PCCA: variants seen among roughly 807,000 people sequenced by gnomAD.
PCCA encodes the protein propionyl-CoA carboxylase subunit alpha, also known as propionyl-CoA carboxylase alpha chain, mitochondrial.
A neutral mutation model predicts 101.3 loss-of-function variants in PCCA; 74 were observed. The ratio of observed to expected loss-of-function variants is 0.73; its 90% CI spans 0.61 to 0.89. The LOEUF (loss-of-function observed/expected upper bound fraction) is 0.89. Among genes scored for constraint, PCCA ranks in the 40% least tolerant of loss-of-function variants. The pLI, the probability that PCCA is intolerant of heterozygous loss-of-function variation, is 0.00. For missense variants in PCCA, 891 were observed against 907.0 expected (o/e 0.98, Z 0.23); for synonymous variants, 294 against 313.6 (o/e 0.94, Z 0.66).
rs573004651 is a variant in PCCA at position 100,509,431 on chromosome 13, G to A, written c.1900-5996G>A. Among the ~76,000 whole-genome samples, 4 of 152,276 alleles carry A rather than the reference G, an allele frequency of 2.6e-5. No homozygotes were observed. In the South Asian group the frequency reaches 6.2e-4, roughly 24 times the overall value. On this transcript the variant is annotated intron_variant, in intron 21 of 23. Transcript: ENST00000376285. Reference sequence around the variant, plus strand: ...AGGGGCACGTTTATCTGTGGATCACGGACGGTTTGACTTGTGGGACGTAAC... The same window carrying A: ...AGGGGCACGTTTATCTGTGGATCACAGACGGTTTGACTTGTGGGACGTAAC...
intron 1 of PCCA, among the ~76,000 whole-genome samples, chr13:100,100,676 A>AC (rs1440099060): frequency 6.6e-6 from 1 of 152,256 alleles, no homozygotes; most frequent in East Asian, 1.9e-4. Context: ...GGAAACAGGA[A>AC]CAGAGCCTTT....
At chr13:100,357,341 GA>G (rs1317120492) in intron 18 of PCCA, among the ~76,000 whole-genome samples, 16 of 152,120 alleles carry the variant, frequency 1.1e-4, no homozygotes, top group African/African-American at 3.9e-4. Flanking sequence ...GAGTCTTTGA[GA>G]ATATTTCTTT....
intron 8 of PCCA, among the ~76,000 whole-genome samples, chr13:100,243,878 A>T (rs1260244575): frequency 2.0e-5 from 3 of 152,136 alleles, no homozygotes; most frequent in Non-Finnish European, 4.4e-5. Context: ...ATAATACAAC[A>T]TTTTTTTAAA....
At chr13:100,360,880 A>G (rs1057053858) in intron 18 of PCCA, among the ~76,000 whole-genome samples, 2 of 152,234 alleles carry the variant, frequency 1.3e-5, no homozygotes, top group Admixed American at 6.5e-5. Flanking sequence ...AGTTTTATTC[A>G]TAATTGCCAA....
At position 100,177,633 on chromosome 13, in the gene PCCA, G is replaced by A. The variant is rs184691767; in HGVS notation, c.468+20293G>A. Among the ~76,000 whole-genome samples, 48 of 152,092 alleles carry A rather than the reference G, an allele frequency of 3.2e-4. No individual in the cohort carries two copies. In the East Asian group the frequency reaches 8.5e-3, roughly 27 times the overall value. ...TCTTGGCAAAGGAAGTCTTGCCTGG[G>A]CCCCCTGTTGAAAAAGAAAATGGAT... On this transcript the variant is annotated intron_variant, in intron 6 of 23. Coordinates refer to ENST00000376285, the MANE Select transcript of PCCA (RefSeq NM_000282.4).
chr13:100,287,189 A>G (rs1261535511), intron 12 of PCCA, among the ~76,000 whole-genome samples: 2 of 151,408 alleles, frequency 1.3e-5, no homozygotes, highest in African/African-American at 4.9e-5. Context: ...TCTTTTTTTA[A>G]TTTTTCTGCT....
intron 4 of PCCA, chr13:100,151,152 T>A (rs2053263779): frequency 1.1e-6 from 1 of 873,556 alleles, no homozygotes; most frequent in African/African-American, 1.7e-5. Flanking sequence ...ATTTATTTTT[T>A]AAAAGTTAAT....
intron 4 of PCCA, among the ~76,000 whole-genome samples, chr13:100,116,274 C>T (rs1208532803): frequency 6.6e-6 from 1 of 152,106 alleles, no homozygotes; most frequent in African/African-American, 2.4e-5. Context: ...GTTAATTTCA[C>T]ATGTGGAAAT....
chr13:100,363,224 G>A (rs563965745), intron 18 of PCCA, among the ~76,000 whole-genome samples: 1 of 151,864 alleles, frequency 6.6e-6, no homozygotes, highest in African/African-American at 2.4e-5. Flanking sequence ...TATCTTCCCT[G>A]GGAGTTGTTC....
intron 6 of PCCA, among the ~76,000 whole-genome samples, chr13:100,159,163 G>A (rs1044958121): frequency 3.6e-5 from 5 of 137,172 alleles, no homozygotes; most frequent in Non-Finnish European, 7.6e-5. Context: ...GCATGATCTC[G>A]GCTCACTGCA....
chr13:100,322,937 G>A lies in PCCA; in HGVS notation c.1430-7624G>A, dbSNP rs990096780. Among the ~76,000 whole-genome samples, 23 of 152,210 alleles carry A rather than the reference G, an allele frequency of 1.5e-4. No individual in the cohort carries two copies. In the East Asian group the frequency reaches 1.5e-3, roughly 10 times the overall value. On this transcript the variant is annotated intron_variant, in intron 16 of 23. Coordinates refer to ENST00000376285, the MANE Select transcript of PCCA (RefSeq NM_000282.4). ...GTTTACTTATTCTATAACTAGTTGCGCAGTTTCCCAAGAGCAGGTACCATA... is the reference window on the plus strand; with the variant it reads ...GTTTACTTATTCTATAACTAGTTGCACAGTTTCCCAAGAGCAGGTACCATA...
intron 12 of PCCA, among the ~76,000 whole-genome samples, chr13:100,285,623 CA>C (rs1189998389): frequency 1.3e-5 from 2 of 152,152 alleles, no homozygotes; most frequent in Non-Finnish European, 2.9e-5. Flanking sequence ...ATCAGACAGC[CA>C]CCTACTTAGA....
intron 4 of PCCA, among the ~76,000 whole-genome samples, chr13:100,147,784 C>CT (rs1566577283): frequency 6.6e-6 from 1 of 151,988 alleles, no homozygotes; most frequent in Non-Finnish European, 1.5e-5. Context: ...TTATTTATTT[C>CT]TTTTTTTACT....
chr13:100,222,030 C>T (rs2059847017), intron 7 of PCCA, among the ~76,000 whole-genome samples: 2 of 151,904 alleles, frequency 1.3e-5, no homozygotes, highest in Admixed American at 1.3e-4. Context: ...CAGGTGTGAG[C>T]CACTGCGCCT....
chr13:100,143,928 G>T (rs1286331574), intron 4 of PCCA, among the ~76,000 whole-genome samples: 4 of 151,142 alleles, frequency 2.6e-5, no homozygotes, highest in Non-Finnish European at 5.9e-5. Context: ...CTAATTAAGA[G>T]AAATTTTTTT....
chr13:100,301,405 TTCTA>T, intron 12 of PCCA, 51 bp from the exon 13 acceptor site: 2 of 1,597,982 alleles, frequency 1.3e-6, no homozygotes, highest in Non-Finnish European at 1.7e-6. Context: ...TCTTGTTTGT[TTCTA>T]TTTATTTACC....
At chr13:100,490,384 A>G (rs2084814243) in intron 21 of PCCA, 1 of 152,210 alleles carries the variant, frequency 6.6e-6, no homozygotes, top group Non-Finnish European at 1.5e-5. Flanking sequence ...GTAACAGGTC[A>G]CAGCATAAAT....
intron 21 of PCCA, among the ~76,000 whole-genome samples, chr13:100,499,907 C>T (rs1051402585): frequency 9.2e-5 from 13 of 141,166 alleles, no homozygotes; most frequent in Non-Finnish European, 2.0e-4. Flanking sequence ...TTTTATTGGC[C>T]ACAGTTTTGA....
intron 2 of PCCA, among the ~76,000 whole-genome samples, chr13:100,111,567 A>G (rs1454661396): frequency 6.6e-6 from 1 of 152,212 alleles, no homozygotes; most frequent in Non-Finnish European, 1.5e-5. Context: ...ATGCTTTAAC[A>G]AAGTAATTAT....
Sources: gnomAD v4.1 joint callset for allele counts (sites outside exome capture counted in the v4.1 genomes callset) on GRCh38, gnomAD v4.1.1 for gene constraint, MANE v1.5 for transcripts, NCBI Gene and HGNC (gene_info 2026-07-23, HGNC 2026-07-21) for gene names.